Variants in IMPA2 observed in about 807,000 individuals in gnomAD.
IMPA2 encodes IMP 2.
In IMPA2, 32 loss-of-function variants were observed where a neutral mutation model predicts 35.1. That is an observed-to-expected ratio of 0.91 (90% CI 0.69 to 1.23). IMPA2 has a LOEUF of 1.23. Ranked by LOEUF, IMPA2 falls within the 50% of genes most tolerant of loss-of-function variation. The pLI is 0.00. For missense variants in IMPA2, 334 were observed against 387.6 expected (o/e 0.86, Z 1.16); for synonymous variants, 135 against 160.6 (o/e 0.84, Z 1.20).
chr18:11,984,755 C>T lies in IMPA2; in HGVS notation c.96+2990C>T, dbSNP rs9952183. ...GGCCGAGGTGGGCAGATCACAAGGT[C>T]AGGAGATCAAGACCATCCTGGCTAA... On this transcript the variant is annotated intron_variant, in intron 1 of 7. Coordinates refer to ENST00000269159, the MANE Select transcript of IMPA2 (RefSeq NM_014214.3). Among the ~76,000 whole-genome samples, 716 of 152,190 alleles carry T rather than the reference C, an allele frequency of 4.7e-3. 3 individuals carry two copies. Among genetic ancestry groups the T allele is most frequent in the African/African-American group, 0.016 (680 of 41,512 alleles).
Position 12,009,906 on chromosome 18 carries a change from C to T in IMPA2, c.254C>T (p.Ala85Val), listed in dbSNP as rs1255988538. 1 of 1,614,176 alleles carries T rather than the reference C, an allele frequency of 6.2e-7. No individual in the cohort carries two copies. Among genetic ancestry groups the T allele is most frequent in the South Asian group, 1.1e-5 (1 of 91,084 alleles). ...AGGTTCATTGCAGAAGAGGCCGCGG[C>T]TTCTGGGGCCAAGTGTGTGCTCACC... ...SHRFIAEEAA[A>V]SGAKCVLTHS... is the part of the protein sequence containing the mutation. Residue 85 changes from alanine (A) to valine (V), a missense_variant, in exon 3 of 8, where the codon GCT becomes GTT. Physicochemically the swap from Ala to Val is moderately conservative, Grantham distance 64. Transcript: ENST00000269159.
chr18:12,012,296 C>T (rs765592939), intron 4 of IMPA2, 81 bp downstream of exon 4: 26 of 1,216,412 alleles, frequency 2.1e-5, no homozygotes, highest in Admixed American at 1.7e-4. Flanking sequence ...AGCCTCTGTG[C>T]GCCTGGTTTG....
chr18:12,008,947 C>G (rs1277658869), intron 2 of IMPA2, among the ~76,000 whole-genome samples: 1 of 152,096 alleles, frequency 6.6e-6, no homozygotes, highest in Non-Finnish European at 1.5e-5. Flanking sequence ...CGCCCATGTC[C>G]CTCTAGCAGG....
At chr18:12,020,179 TATTGATTGATTGATTG>T (rs200100858) in intron 5 of IMPA2, among the ~76,000 whole-genome samples, 2 of 151,118 alleles carry the variant, frequency 1.3e-5, no homozygotes, top group Admixed American at 6.6e-5. Context: ...GGCCTTTATT[TATTGATTGATTGATTG>T]ATTGATTGAT....
At chr18:11,992,278 A>G (rs1598684921) in intron 1 of IMPA2, among the ~76,000 whole-genome samples, 1 of 152,164 alleles carries the variant, frequency 6.6e-6, no homozygotes, top group Non-Finnish European at 1.5e-5. Context: ...TCAGGTGCAC[A>G]CCTCCAGTGG....
intron 1 of IMPA2, among the ~76,000 whole-genome samples, chr18:11,985,253 G>A (rs1173004651): frequency 6.6e-6 from 1 of 151,868 alleles, no homozygotes; most frequent in East Asian, 1.9e-4. Context: ...TTTCTAAGGT[G>A]CTAAGAAATA....
rs1453185554 is a variant in IMPA2 at position 12,007,661 on chromosome 18, TTCTTTCTTTCTTTCTTTC to T, written c.231-2221_231-2204del. ...TTTCTTTCTTTCTTTCTTTCTTTCT[TTCTTTCTTTCTTTCTTTC>T]CTTTCTTTCCTTTCTTTCCTTTCTT... is the stretch of plus-strand genomic sequence containing the variant. On this transcript the variant is annotated intron_variant, in intron 2 of 7. Coordinates refer to ENST00000269159, the MANE Select transcript of IMPA2 (RefSeq NM_014214.3). Among the ~76,000 whole-genome samples, 28 of 118,178 alleles carry T rather than the reference TTCTTTCTTTCTTTCTTTC, an allele frequency of 2.4e-4. 1 individual carries two copies. Among genetic ancestry groups the T allele is most frequent in the Admixed American group, 1.7e-3 (17 of 9,928 alleles). The allele number at this position is 118,178 out of a possible 152,430, so 77.5% of individuals were successfully genotyped here.
chr18:11,997,031 GAC>G lies in IMPA2; in HGVS notation c.97-2016_97-2015del, dbSNP rs373759327. Reference sequence around the variant, plus strand: ...ACACACACACAGAGATACACACAGAGACACACACCCTGACTCCCCCCATACCA... The same window carrying G: ...ACACACACACAGAGATACACACAGAGACACACCCTGACTCCCCCCATACCA... On this transcript the variant is annotated intron_variant, in intron 1 of 7. Coordinates refer to ENST00000269159, the MANE Select transcript of IMPA2 (RefSeq NM_014214.3). 3.2e-4 allele frequency among the ~76,000 whole-genome samples: 48 copies of G among 151,732 alleles called. No individual in the cohort carries two copies. In the East Asian group the frequency reaches 8.5e-3, roughly 27 times the overall value.
chr18:12,006,595 A>G (rs1907253376), intron 2 of IMPA2, among the ~76,000 whole-genome samples: 1 of 152,170 alleles, frequency 6.6e-6, no homozygotes. Flanking sequence ...TTGGCTCAGA[A>G]GCCCCTGCTT....
In IMPA2 at chr18:11,991,508, C is replaced by T. The variant is rs576882284; in HGVS notation, c.97-7546C>T. On this transcript the variant is annotated intron_variant, in intron 1 of 7. Transcript: ENST00000269159. This position sits in a 1 kb window ranked among gnomAD's most constrained non-coding sequence, Gnocchi z 4.1. ...ATAGGCGTGTTATTACCTGGGTACC[C>T]GATGAACTGTTAGGTTTTATTGATT... 3.2e-4 allele frequency among the ~76,000 whole-genome samples: 48 copies of T among 152,110 alleles called. No individual in the cohort carries two copies. The highest frequency in any genetic ancestry group is 5.4e-4 in the Non-Finnish European group (37 of 68,024).
intron 4 of IMPA2, among the ~76,000 whole-genome samples, chr18:12,013,197 G>A (rs1907480960): frequency 6.6e-6 from 1 of 152,152 alleles, no homozygotes; most frequent in Non-Finnish European, 1.5e-5. Context: ...CACTGAATAC[G>A]GGAGCTCCTG....
At chr18:12,019,517 C>G (rs1160820452) in intron 5 of IMPA2, among the ~76,000 whole-genome samples, 1 of 151,524 alleles carries the variant, frequency 6.6e-6, no homozygotes. Context: ...ATCCACCCAC[C>G]TCAGCCTCCC....
At chr18:11,999,312 CGCAGCCTAACCT>C (rs1907053422) in intron 2 of IMPA2, 125 bp downstream of exon 2, 1 of 815,160 alleles carries the variant, frequency 1.2e-6, no homozygotes. Flanking sequence ...CCCTAAGCCA[CGCAGCCTAACCT>C]GCGATTTGTC....
chr18:11,999,989 T>C (rs906029550), intron 2 of IMPA2, among the ~76,000 whole-genome samples: 2 of 152,160 alleles, frequency 1.3e-5, no homozygotes, highest in African/African-American at 4.8e-5. Context: ...CTTCGTTACA[T>C]AGAATCTTTT....
intron 1 of IMPA2, among the ~76,000 whole-genome samples, chr18:11,998,829 G>T (rs1249209109): frequency 6.7e-6 from 1 of 149,656 alleles, no homozygotes; most frequent in Non-Finnish European, 1.5e-5. Context: ...AGTCATTAAG[G>T]CTCACTAGAA....
chr18:12,030,233 G>T, intron 7 of IMPA2, 110 bp from the exon 8 acceptor site: 1 of 766,214 alleles, frequency 1.3e-6, no homozygotes, highest in Non-Finnish European at 2.2e-6. Flanking sequence ...GCTTGGGCAC[G>T]GTTCCATGTG....
chr18:11,992,791 C>T (rs762072145), intron 1 of IMPA2, among the ~76,000 whole-genome samples: 16 of 152,190 alleles, frequency 1.1e-4, no homozygotes, highest in Non-Finnish European at 1.6e-4. Flanking sequence ...AGGGGTTCAG[C>T]GGGACCTTAC....
chr18:11,981,688 G>T lies in IMPA2; in HGVS notation c.19G>T (p.Asp7Tyr). Residue 7 changes from aspartate (D) to tyrosine (Y), a missense_variant, in exon 1 of 8, where the codon GAC (aspartate) becomes TAC (tyrosine). Coordinates refer to ENST00000269159, the MANE Select transcript of IMPA2 (RefSeq NM_014214.3). The stretch of plus-strand genomic sequence containing the variant: ...GGCCGCGATGAAGCCGAGCGGCGAG[G>T]ACCAGGCGGCGCTGGCGGCCGGCCC... MKPSGE[D>Y]QAALAAGPWE... 2 of 1,230,912 alleles carry T rather than the reference G, an allele frequency of 1.6e-6. No homozygotes were observed. Among genetic ancestry groups the T allele is most frequent in the African/African-American group, 1.6e-5 (1 of 64,326 alleles). 76.2% of individuals were successfully genotyped at this position (1,230,912 alleles called of 1,614,324 possible). A position where few individuals can be genotyped will look rare whatever the true frequency, so the allele number is the denominator to read the frequency against.
chr18:11,995,053 G>C (rs558782614), intron 1 of IMPA2: 1 of 152,448 alleles, frequency 6.6e-6, no homozygotes, highest in East Asian at 1.9e-4. Context: ...GGAGGGGAGG[G>C]GAGGGGAGCT....
Sources: allele counts gnomAD v4.1 joint callset (sites outside exome capture counted in the v4.1 genomes callset), GRCh38; gene constraint gnomAD v4.1.1; non-coding constraint Gnocchi (gnomAD v3.1); transcripts MANE v1.5; gene names NCBI Gene and HGNC (gene_info 2026-07-23, HGNC 2026-07-21).